The following RIMBP2 variants were observed in gnomAD, a reference collection of about 807,000 sequenced individuals.
The protein encoded by RIMBP2 is RIMS binding protein 2.
Under a neutral mutation model 118.6 loss-of-function variants are expected in RIMBP2, and 48 were observed. The observed-to-expected ratio is 0.40, with a 90% confidence interval of 0.32 to 0.51. The LOEUF is 0.51. Ranked by LOEUF, RIMBP2 falls within the 20% of genes least tolerant of loss-of-function variation. The pLI is 0.41. For synonymous variants in RIMBP2, 762 were observed against 742.9 expected (o/e 1.03, Z -0.42); for missense variants, 1,551 against 1,768.3 (o/e 0.88, Z 2.20).
intron 4 of RIMBP2, among the ~76,000 whole-genome samples, chr12:130,490,331 T>G (rs2048522802): frequency 1.3e-5 from 2 of 152,084 alleles, no homozygotes. Flanking sequence ...TCCAGGAAAA[T>G]GTACAATCTG....
chr12:130,536,543 T>C (rs1397280976), intron 2 of RIMBP2, among the ~76,000 whole-genome samples: 1 of 152,202 alleles, frequency 6.6e-6, no homozygotes, highest in Non-Finnish European at 1.5e-5. Flanking sequence ...ACTTCCGCCA[T>C]AGTCAACCCC....
At chr12:130,491,455 A>G (rs1032420444) in intron 4 of RIMBP2, among the ~76,000 whole-genome samples, 5 of 152,164 alleles carry the variant, frequency 3.3e-5, no homozygotes, top group African/African-American at 1.2e-4. Flanking sequence ...GGCAGTACAC[A>G]TGAGAACCTT....
At chr12:130,464,301 C>T (rs147930310) in intron 6 of RIMBP2, among the ~76,000 whole-genome samples, 95 of 152,344 alleles carry the variant, frequency 6.2e-4, no homozygotes, top group African/African-American at 2.1e-3. Flanking sequence ...GGCTGCTTTC[C>T]GGTAACATTA....
At chr12:130,528,380 G>T (rs1012715524) in intron 2 of RIMBP2, among the ~76,000 whole-genome samples, 16 of 152,234 alleles carry the variant, frequency 1.1e-4, no homozygotes, top group Non-Finnish European at 1.9e-4. Flanking sequence ...TCACTTAGAA[G>T]TGGGAGCTGA....
At chr12:130,439,538 T>C (rs1262708287) in intron 11 of RIMBP2, among the ~76,000 whole-genome samples, 5 of 139,574 alleles carry the variant, frequency 3.6e-5, no homozygotes, top group African/African-American at 1.3e-4. Context: ...TGTGGGTCTG[T>C]AGGGGTGTCG....
intron 1 of RIMBP2, among the ~76,000 whole-genome samples, chr12:130,634,138 CT>C (rs1462362307): frequency 6.6e-6 from 1 of 152,218 alleles, no homozygotes; most frequent in African/African-American, 2.4e-5. Flanking sequence ...AAGACACCAC[CT>C]TCCTTTCCTC....
intron 4 of RIMBP2, among the ~76,000 whole-genome samples, chr12:130,506,138 T>C (rs573948590): frequency 3.3e-5 from 5 of 152,136 alleles, no homozygotes; most frequent in African/African-American, 1.2e-4. Context: ...GTGGCATCAA[T>C]AGCAAATCAA....
intron 4 of RIMBP2, among the ~76,000 whole-genome samples, chr12:130,502,432 C>T (rs11610195): frequency 0.041 from 6,197 of 152,078 alleles, 193 homozygotes; most frequent in South Asian, 0.17. Context: ...ACTTCCCTGC[C>T]CCTCCCCATT....
At chr12:130,457,373 G>A (rs550455516) in intron 6 of RIMBP2, among the ~76,000 whole-genome samples, 1 of 152,294 alleles carries the variant, frequency 6.6e-6, no homozygotes, top group African/African-American at 2.4e-5. Context: ...GCACAGGAAA[G>A]GGGTAGCCCA....
At chr12:130,595,307 C>T (rs1162840991) in intron 2 of RIMBP2, among the ~76,000 whole-genome samples, 1 of 152,122 alleles carries the variant, frequency 6.6e-6, no homozygotes, top group Non-Finnish European at 1.5e-5. Flanking sequence ...GCCTGTAATC[C>T]CAGCACTTTG....
chr12:130,506,560 CCTT>C (rs1441958473), intron 4 of RIMBP2, 85 bp downstream of exon 4: 5 of 926,148 alleles, frequency 5.4e-6, no homozygotes, highest in African/African-American at 1.8e-5. Context: ...GCTTTACATA[CCTT>C]CTGCTCGGGG....
Position 130,646,209 on chromosome 12 carries a change from C to CCCTCTCCACCTCCCTCACCACCTG in RIMBP2, c.-351-17777_-351-17754dup, listed in dbSNP as rs1466325393. ...TCCCTCACCACTTCCCTCTCCACCT[C>CCCTCTCCACCTCCCTCACCACCTG]CCTCTCCACCTCCCTCACCACCTGC... On this transcript the variant is annotated intron_variant, in intron 1 of 22. Transcript: ENST00000690449. Among the ~76,000 whole-genome samples the CCCTCTCCACCTCCCTCACCACCTG allele has an allele frequency of 2.7e-5, 2 of 73,418 alleles. 1 individual carries two copies. The highest frequency in any genetic ancestry group is 9.2e-5 in the African/African-American group (2 of 21,756). 48.2% of individuals were successfully genotyped at this position (73,418 alleles called of 152,430 possible).
chr12:130,452,390 G>A (rs923330056), intron 7 of RIMBP2, among the ~76,000 whole-genome samples: 2 of 152,210 alleles, frequency 1.3e-5, no homozygotes, highest in African/African-American at 4.8e-5. Context: ...CAGGGAATTG[G>A]AGCTGGGGCA....
At chr12:130,533,766 A>G (rs751357223) in intron 2 of RIMBP2, among the ~76,000 whole-genome samples, 3 of 152,242 alleles carry the variant, frequency 2.0e-5, no homozygotes, top group Non-Finnish European at 2.9e-5. Context: ...AGCAACATGG[A>G]TGAAACTAGA....
At chr12:130,503,780 C>T (rs931200581) in intron 4 of RIMBP2, among the ~76,000 whole-genome samples, 1 of 152,326 alleles carries the variant, frequency 6.6e-6, no homozygotes, top group East Asian at 1.9e-4. Context: ...CCTGGAAACT[C>T]GGAGCCAAAT....
chr12:130,438,334 A>AGGCCC, intron 12 of RIMBP2, 31 bp downstream of exon 12: 227 of 1,344,336 alleles, frequency 1.7e-4, no homozygotes, highest in Non-Finnish European at 2.2e-4. Context: ...GGGCCTAACA[A>AGGCCC]ACCCTCCCCA....
intron 2 of RIMBP2, among the ~76,000 whole-genome samples, chr12:130,572,411 G>T (rs10744470): frequency 0.88 from 134,400 of 152,032 alleles, 60,068 homozygotes; most frequent in East Asian, 0.99. Context: ...CGGCTCGCAT[G>T]AGCATCAGGT....
In RIMBP2 at chr12:130,489,096, A is replaced by G. The variant is rs564963055; in HGVS notation, c.-3-10080T>C. 3.3e-5 allele frequency among the ~76,000 whole-genome samples: 5 copies of G among 152,340 alleles called. No individual in the cohort carries two copies. In the South Asian group the frequency reaches 1.0e-3, roughly 32 times the overall value. ...ACGACCCTGGGATAGCTAAGAGCCC[A>G]CGTGAATGCATACAACTAAACAATT... On this transcript the variant is annotated intron_variant, in intron 4 of 22. Coordinates refer to ENST00000690449, the MANE Select transcript of RIMBP2 (RefSeq NM_001393629.1).
intron 2 of RIMBP2, among the ~76,000 whole-genome samples, chr12:130,582,485 G>A (rs2058545664): frequency 6.6e-6 from 1 of 152,232 alleles, no homozygotes. Flanking sequence ...CAGTCAGGAA[G>A]CATGCATCCC....
Sources: gnomAD v4.1 joint callset for allele counts (sites outside exome capture counted in the v4.1 genomes callset) on GRCh38, gnomAD v4.1.1 for gene constraint, MANE v1.5 for transcripts, NCBI Gene and HGNC (gene_info 2026-07-23, HGNC 2026-07-21) for gene names.